Variants in SOX5 observed in about 807,000 individuals in gnomAD.
SOX5 encodes the protein transcription factor SOX-5.
A neutral mutation model predicts 92.0 loss-of-function variants in SOX5; 9 were observed. That is an observed-to-expected ratio of 0.10 (90% CI 0.06 to 0.17). SOX5 has a LOEUF of 0.17. Among genes scored for constraint, SOX5 ranks in the 10% least tolerant of loss-of-function variants. The pLI is 1.00. For missense variants in SOX5, 642 were observed against 944.5 expected (o/e 0.68, Z 4.20); for synonymous variants, 344 against 336.3 (o/e 1.02, Z -0.25).
intron 6 of SOX5, among the ~76,000 whole-genome samples, chr12:23,668,532 T>C (rs1217779480): frequency 6.6e-6 from 1 of 152,212 alleles, no homozygotes; most frequent in Non-Finnish European, 1.5e-5. Flanking sequence ...AAAACTAACT[T>C]GGTATAGGGT....
chr12:24,095,689 G>A (rs925747469), intron 4 of SOX5, among the ~76,000 whole-genome samples: 1 of 152,044 alleles, frequency 6.6e-6, no homozygotes, highest in Admixed American at 6.6e-5. Flanking sequence ...GAATCCCCGC[G>A]TGTCAAAGGG....
At chr12:23,593,899 TA>T (rs1951946935) in intron 9 of SOX5, among the ~76,000 whole-genome samples, 1 of 152,048 alleles carries the variant, frequency 6.6e-6, no homozygotes, top group African/African-American at 2.4e-5. Flanking sequence ...TTTAAACATA[TA>T]TGAAAGCAAA....
At chr12:24,209,073 TAAAA>T (rs1565660407) in intron 4 of SOX5, among the ~76,000 whole-genome samples, 1 of 152,152 alleles carries the variant, frequency 6.6e-6, no homozygotes, top group Non-Finnish European at 1.5e-5. Context: ...AAGTAAAATT[TAAAA>T]AAAGTTTTTA....
intron 2 of SOX5, among the ~76,000 whole-genome samples, chr12:24,310,486 C>G (rs1385136772): frequency 6.6e-6 from 1 of 151,996 alleles, no homozygotes; most frequent in Non-Finnish European, 1.5e-5. Flanking sequence ...AAATCAACTC[C>G]CCAAACTCAG....
intron 3 of SOX5, among the ~76,000 whole-genome samples, chr12:23,806,775 T>C (rs1004930651): frequency 6.7e-6 from 1 of 148,848 alleles, no homozygotes; most frequent in Non-Finnish European, 1.5e-5. Flanking sequence ...CAAGGTACAA[T>C]GAAACATCTA....
intron 3 of SOX5, among the ~76,000 whole-genome samples, chr12:24,275,040 C>T (rs543169760): frequency 3.5e-3 from 206 of 58,668 alleles, no homozygotes; most frequent in African/African-American, 0.012. Context: ...TTCAACCCGA[C>T]TTTGGGAAAA....
chr12:23,549,936 G>C (rs567729820), intron 11 of SOX5, among the ~76,000 whole-genome samples: 6 of 152,056 alleles, frequency 3.9e-5, no homozygotes, highest in African/African-American at 1.4e-4. Flanking sequence ...AGACCACATG[G>C]TTTCCTGGGT....
At chr12:24,474,862 T>G (rs1220782752) in intron 1 of SOX5, among the ~76,000 whole-genome samples, 1 of 142,484 alleles carries the variant, frequency 7.0e-6, no homozygotes, top group Admixed American at 7.0e-5. Flanking sequence ...TAGTGAGAGT[T>G]TTTTTTTGAG....
chr12:23,650,193 TG>T (rs2081378589), intron 7 of SOX5, among the ~76,000 whole-genome samples: 1 of 151,780 alleles, frequency 6.6e-6, no homozygotes, highest in South Asian at 2.1e-4. Context: ...AGTAGAAGAG[TG>T]TAAAAGTTAT....
chr12:23,730,335 A>G (rs889760175), intron 6 of SOX5, among the ~76,000 whole-genome samples: 1 of 152,186 alleles, frequency 6.6e-6, no homozygotes, highest in Admixed American at 6.5e-5. Flanking sequence ...GAAATTTAAA[A>G]AAGTATCTTT....
chr12:23,715,809 CAAAAAAAAAA>C (rs35450544), intron 6 of SOX5, among the ~76,000 whole-genome samples: 1 of 72,822 alleles, frequency 1.4e-5, no homozygotes, highest in African/African-American at 4.9e-5. Flanking sequence ...AGTAATTTCC[CAAAAAAAAAA>C]AAAAAAAAAA....
intron 2 of SOX5, among the ~76,000 whole-genome samples, chr12:24,295,960 T>C (rs1438169728): frequency 1.3e-5 from 2 of 152,204 alleles, no homozygotes. Flanking sequence ...ATAAAGCCAA[T>C]GGTCTTTGCT....
chr12:24,230,208 C>T (rs894191993), intron 3 of SOX5, among the ~76,000 whole-genome samples: 8 of 151,996 alleles, frequency 5.3e-5, no homozygotes, highest in Non-Finnish European at 8.8e-5. Context: ...ACACTGGAGA[C>T]GTCCTAAAAC....
At chr12:23,536,099 A>C (rs1307609499) in intron 14 of SOX5, among the ~76,000 whole-genome samples, 1 of 152,208 alleles carries the variant, frequency 6.6e-6, no homozygotes, top group Non-Finnish European at 1.5e-5. Flanking sequence ...TGTCTCAACA[A>C]AGTTGTTAGT....
chr12:24,321,143 A>G (rs1414027638), intron 2 of SOX5, among the ~76,000 whole-genome samples: 1 of 152,194 alleles, frequency 6.6e-6, no homozygotes, highest in Non-Finnish European at 1.5e-5. Context: ...GGATTATCAG[A>G]CAGGTTTATT....
At chr12:23,706,428 A>G (rs1195213189) in intron 6 of SOX5, among the ~76,000 whole-genome samples, 1 of 152,118 alleles carries the variant, frequency 6.6e-6, no homozygotes, top group Non-Finnish European at 1.5e-5. Flanking sequence ...TGGGTAGCAT[A>G]AACTAACCTA....
chr12:24,166,735 T>C (rs1295717753), intron 4 of SOX5, among the ~76,000 whole-genome samples: 1 of 152,240 alleles, frequency 6.6e-6, no homozygotes, highest in Non-Finnish European at 1.5e-5. Context: ...CACATAAAGC[T>C]AATTCATTCA....
At chr12:24,221,419 A>G (rs985496031) in intron 3 of SOX5, among the ~76,000 whole-genome samples, 1 of 152,222 alleles carries the variant, frequency 6.6e-6, no homozygotes. Flanking sequence ...TAAGAGTTTA[A>G]TAAATACTTA....
At chr12:24,116,124 G>A (rs747422840) in intron 4 of SOX5, among the ~76,000 whole-genome samples, 10 of 152,098 alleles carry the variant, frequency 6.6e-5, no homozygotes, top group Non-Finnish European at 1.3e-4. Flanking sequence ...TTACAACTGA[G>A]TTCAATCCTC....
Sources: gnomAD v4.1 joint callset for allele counts (sites outside exome capture counted in the v4.1 genomes callset) on GRCh38, gnomAD v4.1.1 for gene constraint, MANE v1.5 for transcripts, NCBI Gene and HGNC (gene_info 2026-07-23, HGNC 2026-07-21) for gene names.